DMXL2: variants seen among roughly 807,000 people sequenced by gnomAD.
DMXL2 encodes the protein Dmx like 2.
DMXL2 carries 103 observed loss-of-function variants against 331.1 expected under a neutral mutation model. The ratio of observed to expected loss-of-function variants is 0.31; its 90% CI spans 0.27 to 0.37. The LOEUF is 0.37. Among genes scored for constraint, DMXL2 ranks in the 10% least tolerant of loss-of-function variants. The probability of loss-of-function intolerance (pLI) is 1.00; values close to 1 mark genes in which losing one functional copy is unlikely to be tolerated. For missense variants in DMXL2, 3,171 were observed against 3,642.9 expected, an observed-to-expected ratio of 0.87 and a Z score of 3.33; for synonymous variants, 1,281 against 1,252.1, an observed-to-expected ratio of 1.02 and a Z score of -0.49.
At chr15:51,453,720 A>G in intron 40 of DMXL2, 79 bp from the exon 41 acceptor site, 1 of 1,120,234 alleles carries the variant, frequency 8.9e-7, no homozygotes, top group Non-Finnish European at 1.3e-6. Context: ...ATGTCTGCTA[A>G]TAACATACTA....
At chr15:51,550,699 T>C (rs557218624) in intron 6 of DMXL2, among the ~76,000 whole-genome samples, 1 of 152,234 alleles carries the variant, frequency 6.6e-6, no homozygotes, top group South Asian at 2.1e-4. Context: ...CAATACAAAC[T>C]TTATGAACAT....
intron 16 of DMXL2, among the ~76,000 whole-genome samples, chr15:51,505,658 G>A (rs1010593311): frequency 2.0e-5 from 3 of 152,206 alleles, no homozygotes; most frequent in Non-Finnish European, 4.4e-5. Flanking sequence ...CTAGGTGAAG[G>A]TAAAGGTTCT....
At chr15:51,502,730 A>G in intron 17 of DMXL2, 76 bp downstream of exon 17, 1 of 921,572 alleles carries the variant, frequency 1.1e-6, no homozygotes. Context: ...AGAAGAGTTC[A>G]TCTATTTTAT....
At chr15:51,482,961 G>A (rs994343326) in intron 23 of DMXL2, among the ~76,000 whole-genome samples, 1 of 152,184 alleles carries the variant, frequency 6.6e-6, no homozygotes, top group African/African-American at 2.4e-5. Context: ...GCAAGTCTAG[G>A]AGAGCAGTGT....
chr15:51,615,486 G>A (rs569185281), intron 1 of DMXL2, among the ~76,000 whole-genome samples: 19 of 152,246 alleles, frequency 1.2e-4, no homozygotes, highest in African/African-American at 4.1e-4. Context: ...ACTGTAGGAC[G>A]TTTTATCTAA....
chr15:51,622,601 A>T lies in DMXL2; in HGVS notation c.-56T>A. On this transcript the variant is annotated 5_prime_UTR_variant, in exon 1 of 44. Transcript: ENST00000560891. ...GGAGGTGCGACAAGCTCCGCGCCTG[A>T]CCCTCCTCGGGCTGCGAGAGCCGTT... 8 of 1,512,688 alleles carry T rather than the reference A, an allele frequency of 5.3e-6. No individual in the cohort carries two copies. The highest frequency in any genetic ancestry group is 7.1e-6 in the Non-Finnish European group (8 of 1,125,758). The allele number at this position is 1,512,688 out of a possible 1,614,324, so 93.7% of individuals were successfully genotyped here.
chr15:51,450,323 C>T lies in DMXL2; in HGVS notation c.8773G>A (p.Ala2925Thr). The change falls in exon 43 of 44, where the codon GCC becomes ACC. Residue 2925 changes from alanine (A) to threonine (T), a missense_variant. Physicochemically the swap from Ala to Thr is moderately conservative, Grantham distance 58 (BLOSUM62 0). This residue lies in a region of DMXL2 where 766 missense variants were observed against 940.5 expected (regional missense o/e 0.81). Coordinates refer to ENST00000560891, the MANE Select transcript of DMXL2 (RefSeq NM_001378457.1). ...TTGGGTGCATACTGCAGTACCGTGG[C>T]ACCATGATCGTGGCACGTGAAACCT... is the stretch of plus-strand genomic sequence containing the variant. Reference protein sequence around the residue: ...IHGFTCHDHGATVLQYAPKQQ... With the variant: ...IHGFTCHDHGTTVLQYAPKQQ... 1 of 1,613,842 alleles carries T rather than the reference C, an allele frequency of 6.2e-7. No homozygotes were observed. The highest frequency in any genetic ancestry group is 8.5e-7 in the Non-Finnish European group (1 of 1,179,938).
intron 13 of DMXL2, among the ~76,000 whole-genome samples, chr15:51,527,371 G>A (rs897257331): frequency 1.3e-5 from 2 of 152,064 alleles, no homozygotes; most frequent in African/African-American, 4.8e-5. Context: ...AACACCAGAC[G>A]TGTCATACAA....
intron 6 of DMXL2, among the ~76,000 whole-genome samples, chr15:51,562,670 A>G (rs1212343684): frequency 6.6e-6 from 1 of 152,202 alleles, no homozygotes; most frequent in Non-Finnish European, 1.5e-5. Context: ...GCAAACCATA[A>G]AACAAAGCAA....
intron 13 of DMXL2, among the ~76,000 whole-genome samples, chr15:51,524,999 T>C (rs549911787): frequency 1.3e-5 from 2 of 151,766 alleles, no homozygotes; most frequent in South Asian, 2.1e-4. Context: ...TTCCTTCTGC[T>C]TGAAGAGAGG....
intron 13 of DMXL2, among the ~76,000 whole-genome samples, chr15:51,518,826 C>G (rs1464664103): frequency 6.6e-6 from 1 of 152,144 alleles, no homozygotes; most frequent in African/African-American, 2.4e-5. Flanking sequence ...CACTACACTA[C>G]AGAATTCCAG....
At chr15:51,566,083 C>CCTA (rs1255413478) in intron 3 of DMXL2, among the ~76,000 whole-genome samples, 2 of 152,074 alleles carry the variant, frequency 1.3e-5, no homozygotes, top group Non-Finnish European at 2.9e-5. Flanking sequence ...GGAGCTCACA[C>CCTA]CTGTAGACCC....
In DMXL2 at chr15:51,602,042, CACTTGAT is replaced by C. The variant is rs200864469; in HGVS notation, c.87+20410_87+20416del. Among the ~76,000 whole-genome samples, 1,440 of 152,256 alleles carry C rather than the reference CACTTGAT, an allele frequency of 9.5e-3. 20 individuals carry two copies. The highest frequency in any genetic ancestry group is 0.033 in the African/African-American group (1,384 of 41,524). On this transcript the variant is annotated intron_variant, in intron 1 of 43. Coordinates refer to ENST00000560891, the MANE Select transcript of DMXL2 (RefSeq NM_001378457.1). ...AAAGTAACCACAGTGATGTCTCTCCCACTTGATGCAGCCATAAAACATAAACAGAAAG... is the reference window on the plus strand; with the variant it reads ...AAAGTAACCACAGTGATGTCTCTCCCGCAGCCATAAAACATAAACAGAAAG...
intron 6 of DMXL2, among the ~76,000 whole-genome samples, chr15:51,548,568 G>A (rs565243246): frequency 3.3e-5 from 5 of 152,044 alleles, no homozygotes; most frequent in African/African-American, 9.6e-5. Flanking sequence ...TTCAGACTAC[G>A]TAACAAAGAA....
At chr15:51,600,882 T>A (rs537192598) in intron 1 of DMXL2, among the ~76,000 whole-genome samples, 2 of 152,208 alleles carry the variant, frequency 1.3e-5, no homozygotes, top group East Asian at 3.8e-4. Context: ...CCATCTCATA[T>A]GGTCATATCC....
At chr15:51,474,955 T>A (rs2041442955) in intron 27 of DMXL2, among the ~76,000 whole-genome samples, 1 of 151,966 alleles carries the variant, frequency 6.6e-6, no homozygotes, top group South Asian at 2.1e-4. Context: ...AATTAGCAAG[T>A]GAAAGTATAA....
rs139298333 is a variant in DMXL2, at chr15:51,508,845, TAATA to T, written c.2645-1596_2645-1593del. ...CTTTTCTTTACAGATGCTTTCCAGC[TAATA>T]AATAAATGAGAACTGATAAAATTGG... On this transcript the variant is annotated intron_variant, in intron 15 of 43. Coordinates refer to ENST00000560891, the MANE Select transcript of DMXL2 (RefSeq NM_001378457.1). 6.6e-3 allele frequency among the ~76,000 whole-genome samples: 1,005 copies of T among 152,292 alleles called. 8 individuals are homozygous for T. The highest frequency in any genetic ancestry group is 0.023 in the African/African-American group (967 of 41,558).
intron 29 of DMXL2, among the ~76,000 whole-genome samples, chr15:51,470,608 C>T (rs923326954): frequency 6.6e-6 from 1 of 152,134 alleles, no homozygotes; most frequent in African/African-American, 2.4e-5. Context: ...CATGTGTATG[C>T]ACAGCAAGGT....
chr15:51,453,888 A>AGAT (rs931000380), intron 40 of DMXL2, among the ~76,000 whole-genome samples: 8 of 152,216 alleles, frequency 5.3e-5, no homozygotes, highest in Non-Finnish European at 8.8e-5. Context: ...CATGTTTTTC[A>AGAT]GATTATGTAA....
Sources: gnomAD v4.1 joint callset for allele counts (sites outside exome capture counted in the v4.1 genomes callset) on GRCh38, gnomAD v4.1.1 for gene constraint, gnomAD v4.1.1 regional missense constraint, MANE v1.5 for transcripts, NCBI Gene and HGNC (gene_info 2026-07-23, HGNC 2026-07-21) for gene names.